MAGI2: variants seen among roughly 807,000 people sequenced by gnomAD.
The protein encoded by MAGI2 is membrane associated guanylate kinase, WW and PDZ domain containing 2, also known as membrane-associated guanylate kinase, WW and PDZ domain-containing protein 2.
In MAGI2, 35 loss-of-function variants were observed where a neutral mutation model predicts 133.3. The observed-to-expected ratio is 0.26, with a 90% CI of 0.20 to 0.35. The LOEUF is 0.35. Ranked by LOEUF, MAGI2 falls within the 10% of genes least tolerant of loss-of-function variation. The pLI, the probability that MAGI2 is intolerant of heterozygous loss-of-function variation, is 1.00. For synonymous variants in MAGI2, 729 were observed against 710.6 expected, an observed-to-expected ratio of 1.03 and a Z score of -0.41; for missense variants, 1,636 against 1,863.4, an observed-to-expected ratio of 0.88 and a Z score of 2.25.
intron 2 of MAGI2, among the ~76,000 whole-genome samples, chr7:78,934,968 T>A (rs1025628824): frequency 6.6e-5 from 10 of 152,174 alleles, no homozygotes; most frequent in Non-Finnish European, 1.3e-4. Flanking sequence ...TAGTTTTAAT[T>A]GACAAGAATC....
intron 2 of MAGI2, among the ~76,000 whole-genome samples, chr7:78,875,193 A>C (rs1371437446): frequency 6.6e-6 from 1 of 152,212 alleles, no homozygotes; most frequent in Non-Finnish European, 1.5e-5. Flanking sequence ...AGGATAATAA[A>C]GAAATCTATC....
intron 2 of MAGI2, among the ~76,000 whole-genome samples, chr7:78,963,709 T>C (rs192830955): frequency 1.3e-5 from 2 of 151,876 alleles, no homozygotes; most frequent in Non-Finnish European, 1.5e-5. Context: ...TCCATATATA[T>C]ATATTCTCCT....
chr7:78,633,038 T>A (rs1278466060), intron 2 of MAGI2, among the ~76,000 whole-genome samples: 1 of 152,218 alleles, frequency 6.6e-6, no homozygotes, highest in Non-Finnish European at 1.5e-5. Flanking sequence ...ATGGTAGATA[T>A]ACACCATGGA....
chr7:78,128,050 C>T (rs752380080), intron 18 of MAGI2, among the ~76,000 whole-genome samples: 20 of 152,044 alleles, frequency 1.3e-4, no homozygotes, highest in Non-Finnish European at 2.2e-4. Context: ...AAACATATTA[C>T]ACAGAGGTAA....
At chr7:79,386,616 A>C (rs1844199596) in intron 1 of MAGI2, among the ~76,000 whole-genome samples, 1 of 152,126 alleles carries the variant, frequency 6.6e-6, no homozygotes, top group African/African-American at 2.4e-5. Flanking sequence ...TAACACATTC[A>C]TCCTTGAGAT....
At position 78,178,168 on chromosome 7, in the gene MAGI2, C is replaced by A. The variant is rs1323400536; in HGVS notation, c.2312-66G>T. On this transcript the variant is annotated intron_variant, in intron 13 of 21. Transcript: ENST00000354212. ...CTTTCCCAGCCCCTGAGGAACTGAACATACCAATGATAAATTAATTTTGTG... is the reference window on the plus strand; with the variant it reads ...CTTTCCCAGCCCCTGAGGAACTGAAAATACCAATGATAAATTAATTTTGTG... 4.1e-6 allele frequency: 4 copies of A among 967,508 alleles called. No homozygotes were observed. In the East Asian group the frequency reaches 9.7e-5, roughly 23 times the overall value. 59.9% of individuals were successfully genotyped at this position (967,508 alleles called of 1,614,324 possible).
At chr7:78,889,420 A>G (rs1008953747) in intron 2 of MAGI2, among the ~76,000 whole-genome samples, 4 of 152,216 alleles carry the variant, frequency 2.6e-5, no homozygotes, top group African/African-American at 9.6e-5. Context: ...TCCAAGACAC[A>G]TAATTGTCAG....
Position 78,350,184 on chromosome 7 carries a change from A to T in MAGI2, c.1104-4141T>A, listed in dbSNP as rs141872914. On this transcript the variant is annotated intron_variant, in intron 7 of 21. Transcript: ENST00000354212. ...AATTAAAAGTGGCAAAGGACTCAGG[A>T]TATTTAAGGATGAGATTCCATTGCC... is the stretch of plus-strand genomic sequence containing the variant. The T allele has an allele frequency of 1.8e-3, 275 of 152,316 alleles. 1 individual carries two copies. Among genetic ancestry groups the T allele is most frequent in the African/African-American group, 6.3e-3 (263 of 41,588 alleles). 9.4% of individuals were successfully genotyped at this position (152,316 alleles called of 1,614,324 possible). A position where few individuals can be genotyped will look rare whatever the true frequency, so the allele number is the denominator to read the frequency against.
At chr7:78,779,135 T>C (rs1826206772) in intron 2 of MAGI2, among the ~76,000 whole-genome samples, 1 of 152,132 alleles carries the variant, frequency 6.6e-6, no homozygotes. Context: ...CTCAAACTCC[T>C]GACCTCGTTA....
intron 1 of MAGI2, among the ~76,000 whole-genome samples, chr7:79,057,960 G>GTTT (rs34071701): frequency 0.11 from 15,682 of 145,796 alleles, 2,233 homozygotes; most frequent in African/African-American, 0.33. Context: ...GGCTCTATTA[G>GTTT]TTTTTTTTTT....
At chr7:78,659,300 T>G (rs1432039115) in intron 2 of MAGI2, among the ~76,000 whole-genome samples, 1 of 150,908 alleles carries the variant, frequency 6.6e-6, no homozygotes, top group Non-Finnish European at 1.5e-5. Flanking sequence ...AATACAAAAA[T>G]TTTAGCTGGG....
intron 4 of MAGI2, among the ~76,000 whole-genome samples, chr7:78,508,474 T>A (rs1458556893): frequency 6.6e-6 from 1 of 152,134 alleles, no homozygotes; most frequent in Non-Finnish European, 1.5e-5. Flanking sequence ...TCGGCTTAAA[T>A]TTTTTAAAAA....
chr7:78,595,427 G>A (rs10245351), intron 3 of MAGI2, among the ~76,000 whole-genome samples: 115,775 of 152,074 alleles, frequency 0.76, 44,826 homozygotes, highest in African/African-American at 0.86. Context: ...TTCTGCTTAC[G>A]CTCTCATCTA....
chr7:79,068,523 T>A (rs1054995623), intron 1 of MAGI2, among the ~76,000 whole-genome samples: 1 of 152,078 alleles, frequency 6.6e-6, no homozygotes, highest in Non-Finnish European at 1.5e-5. Flanking sequence ...ATTTTGTTGA[T>A]CTTTTCAAAA....
At chr7:78,991,701 C>T (rs986427576) in intron 2 of MAGI2, among the ~76,000 whole-genome samples, 3 of 151,768 alleles carry the variant, frequency 2.0e-5, no homozygotes, top group African/African-American at 7.2e-5. Flanking sequence ...ATCCAACTGT[C>T]CCTAATTATC....
At position 78,461,393 on chromosome 7, in the gene MAGI2, CGT is replaced by C. The variant is rs10654835; in HGVS notation, c.1045+28366_1045+28367del. Among the ~76,000 whole-genome samples the C allele has an allele frequency of 7.4e-3, 1,019 of 137,882 alleles. 2 individuals are homozygous for C. Among genetic ancestry groups the C allele is most frequent in the African/African-American group, 9.4e-3 (358 of 38,228 alleles). 90.5% of individuals were successfully genotyped at this position (137,882 alleles called of 152,430 possible). A position where few individuals can be genotyped will look rare whatever the true frequency, so the allele number is the denominator to read the frequency against. ...ATAGATTCCTGGACACGTGTGTGTG[CGT>C]GTGTGTGTGTGTGTGTGTGTGTGTG... is the stretch of plus-strand genomic sequence containing the variant. On this transcript the variant is annotated intron_variant, in intron 6 of 21. Transcript: ENST00000354212.
chr7:78,121,428 G>A (rs1584008435), intron 20 of MAGI2, among the ~76,000 whole-genome samples: 1 of 151,920 alleles, frequency 6.6e-6, no homozygotes, highest in African/African-American at 2.4e-5. Flanking sequence ...CAGAAAATGA[G>A]GAAAGACATG....
intron 1 of MAGI2, among the ~76,000 whole-genome samples, chr7:79,391,591 A>C (rs1844657190): frequency 6.8e-6 from 1 of 147,750 alleles, no homozygotes; most frequent in Non-Finnish European, 1.5e-5. Context: ...TCCAGGCTAC[A>C]TGTGCAGAGT....
At chr7:78,767,183 G>A (rs149026930) in intron 2 of MAGI2, among the ~76,000 whole-genome samples, 153 of 152,104 alleles carry the variant, frequency 1.0e-3, no homozygotes, top group South Asian at 9.6e-3. Context: ...ATAGAGACGG[G>A]TTTCACCATG....
Sources: gnomAD v4.1 joint callset for allele counts (sites outside exome capture counted in the v4.1 genomes callset) on GRCh38, gnomAD v4.1.1 for gene constraint, MANE v1.5 for transcripts, NCBI Gene and HGNC (gene_info 2026-07-23, HGNC 2026-07-21) for gene names.